The following NALCN variants were observed in gnomAD, a reference collection of about 807,000 sequenced individuals.
The protein encoded by NALCN is sodium leak channel NALCN.
In NALCN, 111 loss-of-function variants were observed where a neutral mutation model predicts 225.3. That is an observed-to-expected ratio of 0.49 (90% CI 0.42 to 0.58). NALCN has a LOEUF of 0.58. Among genes scored for constraint, NALCN ranks in the 20% least tolerant of loss-of-function variants. The pLI, the probability that NALCN is intolerant of heterozygous loss-of-function variation, is 0.00. For synonymous variants in NALCN, 764 were observed against 769.0 expected (o/e 0.99, Z 0.11); for missense variants, 1,378 against 2,202.4 (o/e 0.63, Z 7.49).
chr13:101,373,959 T>A (rs1159224153), intron 6 of NALCN, among the ~76,000 whole-genome samples: 1 of 152,016 alleles, frequency 6.6e-6, no homozygotes, highest in Non-Finnish European at 1.5e-5. Context: ...AAAATCTCAA[T>A]AAAGTGGTTA....
intron 27 of NALCN, among the ~76,000 whole-genome samples, chr13:101,099,856 A>G (rs1349306337): frequency 6.6e-6 from 1 of 152,184 alleles, no homozygotes; most frequent in East Asian, 1.9e-4. Context: ...GGCATAGGAT[A>G]GAAGGCATGT....
intron 7 of NALCN, among the ~76,000 whole-genome samples, chr13:101,308,950 A>G (rs1834969455): frequency 6.6e-6 from 1 of 152,174 alleles, no homozygotes; most frequent in Admixed American, 6.5e-5. Context: ...CTAAAATAAC[A>G]AGGTAAAATG....
At chr13:101,213,930 C>A (rs979763700) in intron 13 of NALCN, among the ~76,000 whole-genome samples, 74 of 152,170 alleles carry the variant, frequency 4.9e-4, no homozygotes, top group African/African-American at 1.6e-3. Context: ...TGACCCAGCC[C>A]TCCCATTACT....
At chr13:101,140,817 G>A (rs992891743) in intron 17 of NALCN, among the ~76,000 whole-genome samples, 5 of 152,166 alleles carry the variant, frequency 3.3e-5, no homozygotes, top group African/African-American at 7.2e-5. Flanking sequence ...CCGGCTACTC[G>A]GGAGGCTGAG....
intron 15 of NALCN, among the ~76,000 whole-genome samples, chr13:101,146,057 GCTT>G (rs1001021318): frequency 3.9e-5 from 6 of 152,198 alleles, no homozygotes; most frequent in Non-Finnish European, 7.3e-5. Context: ...GAACAGGAGG[GCTT>G]CTTTTTGGGG....
chr13:101,092,652 A>G (rs1487469586), intron 28 of NALCN, among the ~76,000 whole-genome samples: 1 of 151,986 alleles, frequency 6.6e-6, no homozygotes, highest in African/African-American at 2.4e-5. Context: ...TGTCCATTGT[A>G]CCCTTAGCCT....
intron 4 of NALCN, 150 bp downstream of exon 4, chr13:101,378,420 T>C: frequency 1.6e-6 from 1 of 606,210 alleles, no homozygotes; most frequent in East Asian, 2.9e-5. Flanking sequence ...ACTAATCACA[T>C]CTGTTAAAAT....
intron 10 of NALCN, among the ~76,000 whole-genome samples, chr13:101,268,166 T>A (rs1424691455): frequency 2.0e-5 from 3 of 152,234 alleles, no homozygotes; most frequent in Non-Finnish European, 4.4e-5. Flanking sequence ...CATAGACATG[T>A]ATGACATGTA....
In NALCN at chr13:101,343,648, T is replaced by C. The variant is rs530860194; in HGVS notation, c.799+1618A>G. ...GAGCTTAAATCCTTGGGAGATAAATTAACAGTACAGCTATAGTAAGATAAT... is the reference window on the plus strand; with the variant it reads ...GAGCTTAAATCCTTGGGAGATAAATCAACAGTACAGCTATAGTAAGATAAT... On this transcript the variant is annotated intron_variant, in intron 7 of 43. Coordinates refer to ENST00000251127, the MANE Select transcript of NALCN (RefSeq NM_052867.4). 1.7e-3 allele frequency among the ~76,000 whole-genome samples: 265 copies of C among 152,256 alleles called. 2 individuals are homozygous for C. The highest frequency in any genetic ancestry group is 2.6e-3 in the Non-Finnish European group (177 of 68,014).
In NALCN at chr13:101,082,804, A is replaced by G; in HGVS notation, c.3765+5T>C. 1 of 1,614,090 alleles carries G rather than the reference A, an allele frequency of 6.2e-7. No individual in the cohort carries two copies. Among genetic ancestry groups the G allele is most frequent in the Non-Finnish European group, 8.5e-7 (1 of 1,179,920 alleles). On this transcript the variant is annotated splice_donor_5th_base_variant and intron_variant, in intron 33 of 43. Coordinates refer to ENST00000251127, the MANE Select transcript of NALCN (RefSeq NM_052867.4). ...CCCCCAGAGCTAGCTGACTCATTAC[A>G]GTACCTCCAGAACAAAGATGAAGGT... is the stretch of plus-strand genomic sequence containing the variant.
intron 42 of NALCN, chr13:101,058,498 T>C: frequency 5.9e-6 from 1 of 169,120 alleles, no homozygotes; most frequent in Non-Finnish European, 1.3e-5. Context: ...GGCAAAGCTG[T>C]ATGATGGGCC....
At chr13:101,267,300 T>A (rs1358487481) in intron 10 of NALCN, among the ~76,000 whole-genome samples, 1 of 152,162 alleles carries the variant, frequency 6.6e-6, no homozygotes, top group Non-Finnish European at 1.5e-5. Context: ...CAAACTAGAT[T>A]TTAACAAGAA....
rs16958806 is a variant in NALCN, at chr13:101,301,174, A to G, written c.800-8808T>C. 5.4e-3 allele frequency among the ~76,000 whole-genome samples: 816 copies of G among 152,338 alleles called. 6 individuals carry two copies. Among genetic ancestry groups the G allele is most frequent in the African/African-American group, 0.018 (736 of 41,586 alleles). On this transcript the variant is annotated intron_variant, in intron 7 of 43. Coordinates refer to ENST00000251127, the MANE Select transcript of NALCN (RefSeq NM_052867.4). ...TCACAAATGGAAAAGAAGTGTTGAC[A>G]AGCCGGATGCTGACATTGGCAGGAA...
intron 1 of NALCN, among the ~76,000 whole-genome samples, chr13:101,407,047 C>T (rs1269254329): frequency 1.3e-5 from 2 of 152,134 alleles, no homozygotes; most frequent in African/African-American, 2.4e-5. Flanking sequence ...AGAGATTGTG[C>T]AAGAGCAATT....
intron 7 of NALCN, among the ~76,000 whole-genome samples, chr13:101,322,258 G>A (rs2044769810): frequency 6.6e-6 from 1 of 152,118 alleles, no homozygotes; most frequent in African/African-American, 2.4e-5. Context: ...CAAATCAACT[G>A]ATAATGCACA....
rs531334462 is a variant in NALCN, at chr13:101,111,061, G to T, written c.2294+64C>A. 4.0e-6 allele frequency: 6 copies of T among 1,510,106 alleles called. No homozygotes were observed. The South Asian group carries it at 5.7e-5, about 14-fold the overall frequency. The allele number at this position is 1,510,106 out of a possible 1,614,324, so 93.5% of individuals were successfully genotyped here. ...GCTGACAGCCGTGACTGTGTACAGC[G>T]ACCATTTCCTGTAAAACCCCCCTTT... On this transcript the variant is annotated intron_variant, in intron 19 of 43. Transcript: ENST00000251127.
chr13:101,362,548 T>G (rs1466827853), intron 6 of NALCN, among the ~76,000 whole-genome samples: 1 of 152,064 alleles, frequency 6.6e-6, no homozygotes, highest in East Asian at 1.9e-4. Context: ...CATGTCTTTA[T>G]TATCAAAACA....
intron 15 of NALCN, among the ~76,000 whole-genome samples, chr13:101,153,647 G>T (rs1287592916): frequency 6.6e-6 from 1 of 152,010 alleles, no homozygotes; most frequent in Non-Finnish European, 1.5e-5. Context: ...TGCCTCAGTG[G>T]GGCTGCTCTT....
intron 11 of NALCN, among the ~76,000 whole-genome samples, chr13:101,253,767 T>G (rs564936649): frequency 6.6e-6 from 1 of 152,316 alleles, no homozygotes; most frequent in Non-Finnish European, 1.5e-5. Flanking sequence ...ACAACCATTC[T>G]GAGACACACT....
Sources: allele counts gnomAD v4.1 joint callset (sites outside exome capture counted in the v4.1 genomes callset), GRCh38; gene constraint gnomAD v4.1.1; transcripts MANE v1.5; gene names NCBI Gene and HGNC (gene_info 2026-07-23, HGNC 2026-07-21).